Variants in PSD2 observed in about 807,000 individuals in gnomAD.
PSD2 encodes the protein PH and SEC7 domain-containing protein 2.
Under a neutral mutation model 69.8 loss-of-function variants are expected in PSD2, and 38 were observed. The ratio of observed to expected loss-of-function variants is 0.54; its 90% CI spans 0.42 to 0.71. The LOEUF (loss-of-function observed/expected upper bound fraction) is 0.71, where lower values mean the gene tolerates loss of function less well. Ranked by LOEUF, PSD2 falls within the 30% of genes least tolerant of loss-of-function variation. The pLI is 0.00. For synonymous variants in PSD2, 412 were observed against 423.0 expected, an observed-to-expected ratio of 0.97 and a Z score of 0.32; for missense variants, 943 against 1,014.5, an observed-to-expected ratio of 0.93 and a Z score of 0.96.
In PSD2 at chr5:139,809,732, C is replaced by T; in HGVS notation, c.292C>T (p.Pro98Ser). The change falls in exon 2 of 15, where the codon CCC becomes TCC. Residue 98 changes from proline to serine, a missense_variant. Pro to Ser is a moderately conservative substitution (Grantham distance 74). Transcript: ENST00000274710. ...TCTGGAAGATTCAGCGGAGTCCAGG[C>T]CCTGGAGGGCTGGCGTGCTGGCAGA... ...NILEDSAESR[P>S]WRAGVLAEGD... 1 of 1,614,236 alleles carries T rather than the reference C, an allele frequency of 6.2e-7. No homozygotes were observed.
At position 139,842,667 on chromosome 5, in the gene PSD2, C is replaced by T. The variant is rs935764392; in HGVS notation, c.*193C>T. 29 of 587,250 alleles carry T rather than the reference C, an allele frequency of 4.9e-5. No individual in the cohort carries two copies. Among genetic ancestry groups the T allele is most frequent in the Middle Eastern group, 4.5e-4 (1 of 2,236 alleles). 36.4% of individuals were successfully genotyped at this position (587,250 alleles called of 1,614,324 possible). A position where few individuals can be genotyped will look rare whatever the true frequency, so the allele number is the denominator to read the frequency against. The stretch of plus-strand genomic sequence containing the variant: ...ATCTCCTTGCGTCCTTGGGCATCTC[C>T]GGGCATCAGACCCTCTCCCTGGCCC... On this transcript the variant is annotated 3_prime_UTR_variant, in exon 15 of 15. Coordinates refer to ENST00000274710, the MANE Select transcript of PSD2 (RefSeq NM_032289.4).
intron 7 of PSD2, among the ~76,000 whole-genome samples, chr5:139,828,411 T>G (rs1235449463): frequency 6.6e-6 from 1 of 152,182 alleles, no homozygotes; most frequent in Non-Finnish European, 1.5e-5. Flanking sequence ...AGCGGGAGTT[T>G]CTGGCGAAGC....
chr5:139,787,593 G>T, the PSD2 span, among the ~76,000 whole-genome samples: 1 of 152,248 alleles, frequency 6.6e-6, no homozygotes, highest in South Asian at 2.1e-4. Context: ...TAAGGAGTCC[G>T]CCTGGTGCCG....
chr5:139,837,858 T>TC lies in PSD2; in HGVS notation c.1823+79dup, dbSNP rs1760775961. 1 of 1,414,416 alleles carries TC rather than the reference T, an allele frequency of 7.1e-7. No homozygotes were observed. Among genetic ancestry groups the TC allele is most frequent in the East Asian group, 2.3e-5 (1 of 42,664 alleles). The allele number at this position is 1,414,416 out of a possible 1,614,324, so 87.6% of individuals were successfully genotyped here. A position where few individuals can be genotyped will look rare whatever the true frequency, so the allele number is the denominator to read the frequency against. ...TGACCCGGCACACAACCCCTCTCCT[T>TC]CCCGTGAGTCAGCAACAGAGCATGT... is the stretch of plus-strand genomic sequence containing the variant. On this transcript the variant is annotated intron_variant, in intron 12 of 14. Coordinates refer to ENST00000274710, the MANE Select transcript of PSD2 (RefSeq NM_032289.4). The surrounding 1 kb of genome is among the most constrained non-coding windows in gnomAD (Gnocchi z 5.0).
chr5:139,802,022 C>A (rs1348256107), intron 1 of PSD2, among the ~76,000 whole-genome samples: 1 of 152,128 alleles, frequency 6.6e-6, no homozygotes, highest in Non-Finnish European at 1.5e-5. Context: ...CTGCTTACTT[C>A]GTACCACATG....
the PSD2 span, among the ~76,000 whole-genome samples, chr5:139,781,063 C>T: frequency 2.0e-4 from 30 of 152,304 alleles, no homozygotes; most frequent in Non-Finnish European, 7.3e-5. Flanking sequence ...ATGCCATCCC[C>T]TTTCATCTTC....
At chr5:139,759,201 G>A in the PSD2 span, among the ~76,000 whole-genome samples, 32 of 152,232 alleles carry the variant, frequency 2.1e-4, 1 homozygote, top group Admixed American at 5.9e-4. Flanking sequence ...GGAGCTGGGT[G>A]CCTGTGTGTG....
the PSD2 span, among the ~76,000 whole-genome samples, chr5:139,766,828 C>CTTCTCTCT: frequency 0.074 from 6,459 of 87,146 alleles, 500 homozygotes; most frequent in African/African-American, 0.11. Context: ...AAGTCCCTTC[C>CTTCTCTCT]TTCTTTCTTT....
At chr5:139,801,755 A>T (rs1040296034) in intron 1 of PSD2, among the ~76,000 whole-genome samples, 5 of 152,202 alleles carry the variant, frequency 3.3e-5, no homozygotes, top group African/African-American at 1.2e-4. Flanking sequence ...TGTCTGTCAG[A>T]CAACCCCCCT....
At chr5:139,783,214 C>T in the PSD2 span, among the ~76,000 whole-genome samples, 1 of 152,132 alleles carries the variant, frequency 6.6e-6, no homozygotes, top group African/African-American at 2.4e-5. Flanking sequence ...GTGGGAGGAT[C>T]GCTTGAGCCC....
Position 139,813,306 on chromosome 5 carries a change from C to T in PSD2, c.372-3C>T. The T allele has an allele frequency of 2.0e-6, 3 of 1,532,072 alleles. No homozygotes were observed. The highest frequency in any genetic ancestry group is 2.6e-6 in the Non-Finnish European group (3 of 1,135,824). The allele number at this position is 1,532,072 out of a possible 1,614,324, so 94.9% of individuals were successfully genotyped here. ...ATGGTGACTGGCTCCTTGCATCCCA[C>T]AGGTTGGATGGTCCCGGGGAGCCAG... On this transcript the variant is annotated splice_polypyrimidine_tract_variant and splice_region_variant and intron_variant, in intron 2 of 14. Coordinates refer to ENST00000274710, the MANE Select transcript of PSD2 (RefSeq NM_032289.4).
intron 12 of PSD2, 36 bp from the exon 13 acceptor site, chr5:139,838,592 T>C: frequency 6.3e-7 from 1 of 1,599,468 alleles, no homozygotes; most frequent in Non-Finnish European, 8.6e-7. Context: ...GAGTCCTGTG[T>C]GAGAGGCCGG....
chr5:139,752,448 A>G, the PSD2 span, among the ~76,000 whole-genome samples: 1 of 152,144 alleles, frequency 6.6e-6, no homozygotes, highest in Non-Finnish European at 1.5e-5. Flanking sequence ...AATCACGCAC[A>G]CACTCACACT....
chr5:139,813,709 G>C lies in PSD2; in HGVS notation c.772G>C (p.Asp258His), dbSNP rs764948094. Reference sequence around the variant, plus strand: ...AGATGGCCCTCAGGGCCCAGGGGGGGATGAGGATGATGATGAGGAGGACAC... The same window carrying C: ...AGATGGCCCTCAGGGCCCAGGGGGGCATGAGGATGATGATGAGGAGGACAC... ...HEDGPQGPGG[D>H]EDDDEEDTDK... Residue 258 changes from aspartate to histidine, a missense_variant, in exon 3 of 15, where the codon GAT becomes CAT. Asp to His is a moderately conservative substitution (Grantham distance 81). Transcript: ENST00000274710. 1.2e-6 allele frequency: 2 copies of C among 1,613,128 alleles called. No individual in the cohort carries two copies. Among genetic ancestry groups the C allele is most frequent in the Non-Finnish European group, 1.7e-6 (2 of 1,179,580 alleles).
chr5:139,775,825 C>T, the PSD2 span, among the ~76,000 whole-genome samples: 1 of 152,232 alleles, frequency 6.6e-6, no homozygotes, highest in African/African-American at 2.4e-5. Context: ...TGCGCCACCA[C>T]GCCCTGCTAA....
At chr5:139,806,680 A>G (rs1240076913) in intron 1 of PSD2, among the ~76,000 whole-genome samples, 1 of 152,174 alleles carries the variant, frequency 6.6e-6, no homozygotes, top group African/African-American at 2.4e-5. Flanking sequence ...CACAAAGGCA[A>G]GAGGGAGCAA....
chr5:139,824,497 T>C lies in PSD2; in HGVS notation c.1269+1713T>C, dbSNP rs949213868. On this transcript the variant is annotated intron_variant, in intron 7 of 14. Coordinates refer to ENST00000274710, the MANE Select transcript of PSD2 (RefSeq NM_032289.4). ...CCACAAGCCTCGCCTCCCAGGTTCA[T>C]GCCATTCTCCTGCCTCAGCCTCCCG... is the stretch of plus-strand genomic sequence containing the variant. Among the ~76,000 whole-genome samples the C allele has an allele frequency of 4.0e-5, 6 of 149,778 alleles. No homozygotes were observed. The South Asian group carries it at 6.4e-4, about 16-fold the overall frequency.
At chr5:139,782,489 A>G in the PSD2 span, among the ~76,000 whole-genome samples, 350 of 115,842 alleles carry the variant, frequency 3.0e-3, 2 homozygotes, top group African/African-American at 0.011. Context: ...GGGCCTGACT[A>G]GTTTTTTTTT....
chr5:139,784,842 C>A, the PSD2 span, among the ~76,000 whole-genome samples: 7 of 152,098 alleles, frequency 4.6e-5, no homozygotes, highest in Non-Finnish European at 8.8e-5. Context: ...GCAACCTCCG[C>A]CTCCTGGGTT....
Sources: allele counts gnomAD v4.1 joint callset (sites outside exome capture counted in the v4.1 genomes callset), GRCh38; gene constraint gnomAD v4.1.1; non-coding constraint Gnocchi (gnomAD v3.1); transcripts MANE v1.5; gene names NCBI Gene and HGNC (gene_info 2026-07-23, HGNC 2026-07-21).